PDE1C: variants seen among roughly 807,000 people sequenced by gnomAD.
The protein encoded by PDE1C is dual specificity calcium/calmodulin-dependent 3',5'-cyclic nucleotide phosphodiesterase 1C.
In PDE1C, 62 loss-of-function variants were observed where a neutral mutation model predicts 93.1. The ratio of observed to expected loss-of-function variants is 0.67; its 90% CI spans 0.54 to 0.82. The LOEUF (loss-of-function observed/expected upper bound fraction) is 0.82. PDE1C is among the 40% of genes least tolerant of loss of function. PDE1C has a pLI of 0.00. For synonymous variants in PDE1C, 325 were observed against 310.1 expected (o/e 1.05, Z -0.50); for missense variants, 742 against 884.6 (o/e 0.84, Z 2.04).
chr7:32,154,041 C>A (rs767953782), intron 3 of PDE1C, among the ~76,000 whole-genome samples: 1 of 152,162 alleles, frequency 6.6e-6, no homozygotes, highest in Non-Finnish European at 1.5e-5. Flanking sequence ...ATTGCTTGAG[C>A]CCAGGAGTTT....
intron 1 of PDE1C, among the ~76,000 whole-genome samples, chr7:32,371,086 T>C (rs1292200727): frequency 6.6e-6 from 1 of 152,104 alleles, no homozygotes; most frequent in Non-Finnish European, 1.5e-5. Context: ...TCATCTCACA[T>C]CACATCACCC....
intron 1 of PDE1C, among the ~76,000 whole-genome samples, chr7:32,271,331 C>T (rs976791629): frequency 1.3e-5 from 2 of 152,102 alleles, no homozygotes; most frequent in Non-Finnish European, 2.9e-5. Context: ...TATTATTGTG[C>T]TAAATTAGAT....
chr7:32,040,349 T>C (rs1791650204), intron 2 of PDE1C, among the ~76,000 whole-genome samples: 1 of 152,184 alleles, frequency 6.6e-6, no homozygotes, highest in Non-Finnish European at 1.5e-5. Context: ...TTTTGGATAA[T>C]CCTTTGTTGT....
chr7:32,179,040 A>G (rs1291249252), intron 2 of PDE1C, among the ~76,000 whole-genome samples: 1 of 152,216 alleles, frequency 6.6e-6, no homozygotes, highest in Admixed American at 6.5e-5. Flanking sequence ...AATAACCTAG[A>G]TTACAGAGTT....
At chr7:32,092,597 C>T (rs919009774) in intron 3 of PDE1C, among the ~76,000 whole-genome samples, 2 of 152,276 alleles carry the variant, frequency 1.3e-5, no homozygotes, top group East Asian at 3.9e-4. Flanking sequence ...ATCTGGAGGT[C>T]CCTTCCAGAT....
At chr7:31,619,453 G>A in the PDE1C span, among the ~76,000 whole-genome samples, 2 of 152,170 alleles carry the variant, frequency 1.3e-5, no homozygotes, top group African/African-American at 4.8e-5. Flanking sequence ...TCAACTGTAT[G>A]TGTAGAGCTA....
chr7:31,708,731 C>T, the PDE1C span, among the ~76,000 whole-genome samples: 2 of 152,238 alleles, frequency 1.3e-5, no homozygotes. Flanking sequence ...TCAGCTGGAA[C>T]TGAGTACTGG....
chr7:31,854,621 G>A (rs1228739744), intron 7 of PDE1C, among the ~76,000 whole-genome samples: 1 of 152,132 alleles, frequency 6.6e-6, no homozygotes, highest in African/African-American at 2.4e-5. Flanking sequence ...CAGAGCAGAG[G>A]AAACCTGAAG....
chr7:31,930,848 CAAAAAAAAAAAA>C (rs56394903), intron 2 of PDE1C, among the ~76,000 whole-genome samples: 4 of 32,638 alleles, frequency 1.2e-4, no homozygotes, highest in African/African-American at 6.8e-4. Flanking sequence ...GACTCTGTCT[CAAAAAAAAAAAA>C]AAAAAAAAAA....
At chr7:32,346,119 A>G (rs545754858) in intron 1 of PDE1C, among the ~76,000 whole-genome samples, 1 of 152,378 alleles carries the variant, frequency 6.6e-6, no homozygotes, top group African/African-American at 2.4e-5. Context: ...TATGTCATAC[A>G]TGAAATCAGG....
At chr7:31,643,780 C>T in the PDE1C span, 1 of 1,614,016 alleles carries the variant, frequency 6.2e-7, no homozygotes, top group Non-Finnish European at 8.5e-7. Context: ...TATACCTGCC[C>T]ACTGCTGCAT....
intron 16 of PDE1C, chr7:31,789,742 A>G: frequency 1.0e-6 from 1 of 985,932 alleles, no homozygotes; most frequent in African/African-American, 1.7e-5. Context: ...TGGAATCATC[A>G]TCTTTGCGGT....
At chr7:32,094,638 T>G (rs373568805) in intron 3 of PDE1C, among the ~76,000 whole-genome samples, 47 of 152,314 alleles carry the variant, frequency 3.1e-4, no homozygotes, top group African/African-American at 1.1e-3. Context: ...CATTATTTCT[T>G]TACTCGTTTG....
rs143408280 is a variant in PDE1C at position 32,128,082 on chromosome 7, T to C, written c.308+41703A>G. 2.2e-4 allele frequency among the ~76,000 whole-genome samples: 33 copies of C among 152,050 alleles called. 1 individual carries two copies. In the East Asian group the frequency reaches 6.2e-3, roughly 29 times the overall value. ...AAGAACAGAAGTAAACTTTAGAATT[T>C]AATGTAAGAAAGTGTGGCATTTAAC... On this transcript the variant is annotated intron_variant, in intron 3 of 18. Coordinates refer to the PDE1C transcript ENST00000396193.
intron 3 of PDE1C, among the ~76,000 whole-genome samples, chr7:32,152,490 A>C (rs1801319312): frequency 6.6e-6 from 1 of 152,186 alleles, no homozygotes; most frequent in Non-Finnish European, 1.5e-5. Context: ...GTGACAAATG[A>C]TCCCAGTTGC....
At chr7:31,631,467 G>C in the PDE1C span, among the ~76,000 whole-genome samples, 327 of 152,270 alleles carry the variant, frequency 2.1e-3, 4 homozygotes, top group African/African-American at 7.5e-3. Flanking sequence ...ACGTGGTTAG[G>C]TTATAATGAT....
chr7:31,899,388 T>C (rs542247292), intron 2 of PDE1C, among the ~76,000 whole-genome samples: 2 of 152,186 alleles, frequency 1.3e-5, no homozygotes, highest in African/African-American at 2.4e-5. Flanking sequence ...TCCACCCTCC[T>C]TGGCCTCCCA....
chr7:32,075,296 C>T (rs1209560967), upstream of PDE1C, among the ~76,000 whole-genome samples: 4 of 152,158 alleles, frequency 2.6e-5, no homozygotes, highest in African/African-American at 7.2e-5. Context: ...CCATTTTTCA[C>T]GACTTGGCAG....
At chr7:31,887,714 C>T (rs1310700418) in intron 2 of PDE1C, among the ~76,000 whole-genome samples, 1 of 152,074 alleles carries the variant, frequency 6.6e-6, no homozygotes, top group Admixed American at 6.5e-5. Flanking sequence ...CAGAGACTCT[C>T]AATAAATTTC....
Sources: allele counts gnomAD v4.1 joint callset (sites outside exome capture counted in the v4.1 genomes callset), GRCh38; gene constraint gnomAD v4.1.1; transcripts MANE v1.5; gene names NCBI Gene and HGNC (gene_info 2026-07-23, HGNC 2026-07-21).